Variants in CTNND2 observed in about 807,000 individuals in gnomAD.
CTNND2 encodes the protein catenin delta-2.
Under a neutral mutation model 144.4 loss-of-function variants are expected in CTNND2, and 22 were observed. The ratio of observed to expected loss-of-function variants is 0.15; its 90% CI spans 0.11 to 0.22. CTNND2 has a LOEUF of 0.22. Ranked by LOEUF, CTNND2 falls within the 10% of genes least tolerant of loss-of-function variation. CTNND2 has a pLI of 1.00. For missense variants in CTNND2, 1,353 were observed against 1,618.8 expected (o/e 0.84, Z 2.82); for synonymous variants, 751 against 695.6 (o/e 1.08, Z -1.25).
chr5:11,595,662 T>C (rs1378470143), intron 2 of CTNND2, among the ~76,000 whole-genome samples: 1 of 152,146 alleles, frequency 6.6e-6, no homozygotes, highest in Non-Finnish European at 1.5e-5. Flanking sequence ...TAGTTGACCA[T>C]CTCGGTAATA....
rs188775823 is a variant in CTNND2 at position 11,790,096 on chromosome 5, T to A, written c.38-57824A>T. On this transcript the variant is annotated intron_variant, in intron 1 of 21. Coordinates refer to ENST00000304623, the MANE Select transcript of CTNND2 (RefSeq NM_001332.4). ...AGTTTTTATGCTTCGAGGATTGAAT[T>A]TGCTCCAGTGTTTAAAATTGAGCTG... 1.5e-4 allele frequency among the ~76,000 whole-genome samples: 23 copies of A among 152,320 alleles called. No homozygotes were observed. The East Asian group carries it at 4.4e-3, about 29-fold the overall frequency.
chr5:11,562,088 G>T (rs1248851932), intron 3 of CTNND2, among the ~76,000 whole-genome samples: 2 of 151,936 alleles, frequency 1.3e-5, no homozygotes, highest in Non-Finnish European at 2.9e-5. Context: ...TCAGATAGGT[G>T]CAATTCCTAC....
At chr5:11,010,593 C>T (rs1188997053) in intron 18 of CTNND2, among the ~76,000 whole-genome samples, 2 of 152,226 alleles carry the variant, frequency 1.3e-5, no homozygotes, top group Non-Finnish European at 2.9e-5. Flanking sequence ...GTCAGTCTCC[C>T]ACAAGCAAGC....
At chr5:11,482,237 C>T (rs1768346194) in intron 3 of CTNND2, among the ~76,000 whole-genome samples, 1 of 152,080 alleles carries the variant, frequency 6.6e-6, no homozygotes, top group Admixed American at 6.6e-5. Context: ...TGGCAGCTCC[C>T]CAGTCTGGAA....
intron 12 of CTNND2, among the ~76,000 whole-genome samples, chr5:11,154,817 C>T (rs899529808): frequency 6.6e-6 from 1 of 152,196 alleles, no homozygotes; most frequent in Non-Finnish European, 1.5e-5. Flanking sequence ...TTCCTAGCTG[C>T]TGGTGTTGCA....
intron 2 of CTNND2, among the ~76,000 whole-genome samples, chr5:11,727,166 T>C (rs1031430973): frequency 6.6e-6 from 1 of 152,194 alleles, no homozygotes; most frequent in Admixed American, 6.5e-5. Context: ...AGTAAACAAA[T>C]ACACTTCAAA....
At chr5:11,213,319 C>T (rs986725572) in intron 10 of CTNND2, among the ~76,000 whole-genome samples, 13 of 152,046 alleles carry the variant, frequency 8.6e-5, no homozygotes, top group Admixed American at 5.2e-4. Flanking sequence ...CAGAGCTCCC[C>T]GGAGCTCCCC....
intron 3 of CTNND2, among the ~76,000 whole-genome samples, chr5:11,497,636 A>G (rs1463067687): frequency 6.6e-6 from 1 of 151,732 alleles, no homozygotes; most frequent in African/African-American, 2.4e-5. Flanking sequence ...ATTAATAGAC[A>G]CAGGCAAAGG....
intron 15 of CTNND2, among the ~76,000 whole-genome samples, chr5:11,086,251 CAA>C (rs1174537934): frequency 6.6e-6 from 1 of 152,026 alleles, no homozygotes; most frequent in Non-Finnish European, 1.5e-5. Context: ...AGGTGTGGGC[CAA>C]GACAGGACCC....
At chr5:11,229,751 T>C (rs952962409) in intron 10 of CTNND2, among the ~76,000 whole-genome samples, 1 of 151,758 alleles carries the variant, frequency 6.6e-6, no homozygotes, top group Non-Finnish European at 1.5e-5. Context: ...TATATACATA[T>C]ATATACTGTA....
intron 3 of CTNND2, among the ~76,000 whole-genome samples, chr5:11,520,714 C>T (rs1772648428): frequency 6.6e-6 from 1 of 152,206 alleles, no homozygotes; most frequent in Non-Finnish European, 1.5e-5. Context: ...TCACCCAGTA[C>T]CAGCCCATCA....
rs1197602513 is a variant in CTNND2 at position 11,061,769 on chromosome 5, T to G, written c.2788+20927A>C. ...TGTCACCTAGGCTGGAGTACAGTGG[T>G]GCAATCTCGGCTCACTGCAGCCTCC... On this transcript the variant is annotated intron_variant, in intron 16 of 21. Coordinates refer to ENST00000304623, the MANE Select transcript of CTNND2 (RefSeq NM_001332.4). Among the ~76,000 whole-genome samples the G allele has an allele frequency of 2.0e-5, 3 of 152,098 alleles. No homozygotes were observed. In the East Asian group the frequency reaches 5.8e-4, roughly 29 times the overall value.
intron 2 of CTNND2, among the ~76,000 whole-genome samples, chr5:11,615,943 C>T (rs1780558542): frequency 6.6e-6 from 1 of 152,160 alleles, no homozygotes; most frequent in Admixed American, 6.5e-5. Context: ...ATTTTAGCAC[C>T]ATGAGATGGT....
intron 11 of CTNND2, among the ~76,000 whole-genome samples, chr5:11,181,890 GTGTGTGGTGTGTA>G (rs1038539930): frequency 2.0e-5 from 3 of 147,292 alleles, no homozygotes; most frequent in Admixed American, 6.7e-5. Context: ...GTGCATGGAT[GTGTGTGGTGTGTA>G]TGTGTGGTGT....
At chr5:11,463,957 T>C (rs942164010) in intron 3 of CTNND2, among the ~76,000 whole-genome samples, 1 of 152,142 alleles carries the variant, frequency 6.6e-6, no homozygotes, top group African/African-American at 2.4e-5. Flanking sequence ...ATAGCCAAAA[T>C]AAGTGTTAGT....
intron 3 of CTNND2, among the ~76,000 whole-genome samples, chr5:11,551,442 T>C (rs1445042266): frequency 1.3e-5 from 2 of 148,148 alleles, no homozygotes; most frequent in Non-Finnish European, 1.5e-5. Context: ...CTTTTTTTTT[T>C]TTTTTTTTTT....
At chr5:11,787,571 T>A (rs2126861381) in intron 1 of CTNND2, among the ~76,000 whole-genome samples, 1 of 152,212 alleles carries the variant, frequency 6.6e-6, no homozygotes, top group East Asian at 1.9e-4. Context: ...TAGGTTGAAT[T>A]TTGAGCATTT....
intron 2 of CTNND2, among the ~76,000 whole-genome samples, chr5:11,607,981 T>G (rs755331176): frequency 6.6e-6 from 1 of 152,130 alleles, no homozygotes; most frequent in African/African-American, 2.4e-5. Context: ...AAATACAACA[T>G]CTCTGAATTT....
intron 9 of CTNND2, among the ~76,000 whole-genome samples, chr5:11,337,012 G>T (rs1386524333): frequency 1.3e-5 from 2 of 152,118 alleles, no homozygotes; most frequent in Non-Finnish European, 2.9e-5. Context: ...CACAACGTGG[G>T]AACCAACTTT....
Sources: allele counts gnomAD v4.1 joint callset (sites outside exome capture counted in the v4.1 genomes callset), GRCh38; gene constraint gnomAD v4.1.1; transcripts MANE v1.5; gene names NCBI Gene and HGNC (gene_info 2026-07-23, HGNC 2026-07-21).